Variants in CCDC150 observed in about 807,000 individuals in gnomAD.
CCDC150 encodes the protein coiled-coil domain-containing protein 150.
CCDC150 carries 151 observed loss-of-function variants against 156.5 expected under a neutral mutation model. That is an observed-to-expected ratio of 0.97 (90% CI 0.85 to 1.10). CCDC150 has a LOEUF of 1.10. Among genes scored for constraint, CCDC150 ranks in the 50% least tolerant of loss-of-function variants. CCDC150 has a pLI of 0.00. For synonymous variants in CCDC150, 452 were observed against 429.4 expected, an observed-to-expected ratio of 1.05 and a Z score of -0.65; for missense variants, 1,312 against 1,268.1, an observed-to-expected ratio of 1.03 and a Z score of -0.53.
chr2:196,725,952 C>T, intron 21 of CCDC150, 21 bp from the exon 22 acceptor site: 1 of 1,573,936 alleles, frequency 6.4e-7, no homozygotes, highest in Non-Finnish European at 8.6e-7. Flanking sequence ...GGTGACTTAT[C>T]ACCTCTCTTC....
At chr2:196,689,085 T>C (rs1695283861) in intron 13 of CCDC150, among the ~76,000 whole-genome samples, 1 of 152,130 alleles carries the variant, frequency 6.6e-6, no homozygotes, top group Non-Finnish European at 1.5e-5. Flanking sequence ...GAGGGCTCTG[T>C]TCTGTTCCAT....
chr2:196,657,921 C>T (rs1226343495), intron 4 of CCDC150, among the ~76,000 whole-genome samples: 2 of 152,096 alleles, frequency 1.3e-5, no homozygotes, highest in Admixed American at 6.6e-5. Flanking sequence ...CTCGGTACAG[C>T]TAGGAGAAAT....
chr2:196,691,364 G>A (rs1302890486), intron 13 of CCDC150, among the ~76,000 whole-genome samples: 2 of 152,070 alleles, frequency 1.3e-5, no homozygotes, highest in Non-Finnish European at 2.9e-5. Context: ...TAGGCTATTT[G>A]TTACTGCCTC....
intron 3 of CCDC150, 42 bp from the exon 4 acceptor site, chr2:196,656,916 C>G (rs753722817): frequency 6.2e-7 from 1 of 1,610,914 alleles, no homozygotes. Flanking sequence ...CTTTACTGAC[C>G]TTCTTTCTGC....
intron 21 of CCDC150, 74 bp from the exon 22 acceptor site, chr2:196,725,899 A>G: frequency 7.2e-7 from 1 of 1,381,196 alleles, no homozygotes; most frequent in Non-Finnish European, 9.9e-7. Context: ...AGAGTTGCAC[A>G]CTCCCCTCCA....
chr2:196,711,653 C>G (rs1697121663), intron 15 of CCDC150, among the ~76,000 whole-genome samples: 1 of 152,074 alleles, frequency 6.6e-6, no homozygotes, highest in Admixed American at 6.5e-5. Context: ...TATAAGAATT[C>G]CATTTATTCA....
chr2:196,681,084 C>A (rs1694788407), intron 13 of CCDC150, among the ~76,000 whole-genome samples: 1 of 152,296 alleles, frequency 6.6e-6, no homozygotes, highest in South Asian at 2.1e-4. Context: ...CAAAAGGAAA[C>A]CCTGTACTAG....
intron 22 of CCDC150, chr2:196,727,448 T>C (rs1698273463): frequency 6.6e-6 from 1 of 151,988 alleles, no homozygotes; most frequent in South Asian, 2.1e-4. Context: ...AGACATTAAA[T>C]GTTGTATCCT....
chr2:196,679,181 AT>A (rs959069865), intron 13 of CCDC150, among the ~76,000 whole-genome samples: 32 of 152,226 alleles, frequency 2.1e-4, no homozygotes, highest in African/African-American at 7.7e-4. Context: ...TATAATTTAC[AT>A]ACAGTGAAAT....
At chr2:196,720,518 T>C (rs1345540655) in intron 19 of CCDC150, 57 bp from the exon 20 acceptor site, 4 of 1,402,842 alleles carry the variant, frequency 2.9e-6, no homozygotes, top group Non-Finnish European at 4.0e-6. Flanking sequence ...TCCCAAATGG[T>C]ATCATTCCTA....
intron 15 of CCDC150, among the ~76,000 whole-genome samples, chr2:196,701,648 A>T (rs940040301): frequency 6.6e-6 from 1 of 152,194 alleles, no homozygotes; most frequent in African/African-American, 2.4e-5. Flanking sequence ...ACTAACTCCA[A>T]TGGAAACACT....
At chr2:196,700,002 T>C (rs951642862) in intron 14 of CCDC150, among the ~76,000 whole-genome samples, 2 of 152,218 alleles carry the variant, frequency 1.3e-5, no homozygotes, top group East Asian at 3.8e-4. Flanking sequence ...TTGGAGATAG[T>C]GAGGAATATC....
At position 196,701,276 on chromosome 2, in the gene CCDC150, C is replaced by T; in HGVS notation, c.1695+96C>T. On this transcript the variant is annotated intron_variant, in intron 15 of 27. Coordinates refer to ENST00000389175, the MANE Select transcript of CCDC150 (RefSeq NM_001080539.2). ...AGATTTTGAGAATACCTAGCTCTGT[C>T]ATTTACTAAGTCTATAGTCTCTGAA... 11 of 846,900 alleles carry T rather than the reference C, an allele frequency of 1.3e-5. No homozygotes were observed. In the South Asian group the frequency reaches 1.9e-4, roughly 14 times the overall value. 52.5% of individuals were successfully genotyped at this position (846,900 alleles called of 1,614,324 possible). A position where few individuals can be genotyped will look rare whatever the true frequency, so the allele number is the denominator to read the frequency against.
chr2:196,678,162 C>T (rs555535108), intron 13 of CCDC150, among the ~76,000 whole-genome samples: 17 of 152,204 alleles, frequency 1.1e-4, no homozygotes, highest in East Asian at 5.8e-4. Context: ...TTGCTGTTTG[C>T]GTTTCAAATT....
At position 196,701,158 on chromosome 2, in the gene CCDC150, C is replaced by T; in HGVS notation, c.1673C>T (p.Ala558Val). 6.2e-7 allele frequency: 1 copy of T among 1,606,386 alleles called. No homozygotes were observed. Among genetic ancestry groups the T allele is most frequent in the South Asian group, 1.1e-5 (1 of 88,864 alleles). ...ATCACTGAAAGTAAAAATAAACTGG[C>T]CTATGAAAACGGAAAACTCCAGGTA... The part of the protein sequence containing the change: ...EKITESKNKL[A>V]YENGKLQIKV... Residue 558 changes from alanine to valine, a missense_variant, in exon 15 of 28, where the codon GCC becomes GTC. Physicochemically the swap from Ala to Val is moderately conservative, Grantham distance 64 (BLOSUM62 0). Transcript: ENST00000389175.
At chr2:196,681,353 A>G (rs898162430) in intron 13 of CCDC150, among the ~76,000 whole-genome samples, 8 of 152,210 alleles carry the variant, frequency 5.3e-5, no homozygotes, top group African/African-American at 1.4e-4. Flanking sequence ...ACATACACAC[A>G]CACCAAATTT....
In CCDC150 at chr2:196,732,436, T is replaced by C; in HGVS notation, c.3190-10T>C. 1 of 1,603,394 alleles carries C rather than the reference T, an allele frequency of 6.2e-7. No homozygotes were observed. Among genetic ancestry groups the C allele is most frequent in the Non-Finnish European group, 8.5e-7 (1 of 1,170,862 alleles). Reference sequence around the variant, plus strand: ...AACAGTCAGTGTTAGGTGTGTTTTCTTTCCAACAGGACCAAGATGTAAAAC... The same window carrying C: ...AACAGTCAGTGTTAGGTGTGTTTTCCTTCCAACAGGACCAAGATGTAAAAC... On this transcript the variant is annotated splice_polypyrimidine_tract_variant and intron_variant, in intron 27 of 27. Coordinates refer to ENST00000389175, the MANE Select transcript of CCDC150 (RefSeq NM_001080539.2).
Position 196,640,154 on chromosome 2 carries a change from AGGTG to A in CCDC150, c.12+377_12+380del, listed in dbSNP as rs1692126495. On this transcript the variant is annotated intron_variant, in intron 1 of 27. Coordinates refer to ENST00000389175, the MANE Select transcript of CCDC150 (RefSeq NM_001080539.2). ...CTCCCTGGCTTGCTTACCAGAATAT[AGGTG>A]TCAGGAATTTGCACTTGTTCTTTAC... Among the ~76,000 whole-genome samples the A allele has an allele frequency of 3.9e-5, 6 of 152,344 alleles. No individual in the cohort carries two copies. In the South Asian group the frequency reaches 1.0e-3, roughly 26 times the overall value.
chr2:196,648,265 G>A (rs1056724768), intron 2 of CCDC150, among the ~76,000 whole-genome samples: 4 of 151,992 alleles, frequency 2.6e-5, no homozygotes, highest in East Asian at 1.9e-4. Context: ...AACTATGTAC[G>A]GGGGTTCCCT....
Sources: gnomAD v4.1 joint callset for allele counts (sites outside exome capture counted in the v4.1 genomes callset) on GRCh38, gnomAD v4.1.1 for gene constraint, MANE v1.5 for transcripts, NCBI Gene and HGNC (gene_info 2026-07-23, HGNC 2026-07-21) for gene names.